The following FAM13A variants were observed in gnomAD, a reference collection of about 807,000 sequenced individuals.
FAM13A encodes family with sequence similarity 13 member A, also known as protein FAM13A.
A neutral mutation model predicts 129.6 loss-of-function variants in FAM13A; 76 were observed. The ratio of observed to expected loss-of-function variants is 0.59; its 90% CI spans 0.49 to 0.71. FAM13A has a LOEUF of 0.71. FAM13A is among the 30% of genes least tolerant of loss of function. The pLI, the probability that FAM13A is intolerant of heterozygous loss-of-function variation, is 0.00. For synonymous variants in FAM13A, 443 were observed against 449.9 expected, an observed-to-expected ratio of 0.98 and a Z score of 0.20; for missense variants, 1,108 against 1,249.3, an observed-to-expected ratio of 0.89 and a Z score of 1.70.
At chr4:88,746,091 A>G (rs1198212332) in intron 19 of FAM13A, among the ~76,000 whole-genome samples, 1 of 152,200 alleles carries the variant, frequency 6.6e-6, no homozygotes, top group Non-Finnish European at 1.5e-5. Context: ...TGAAAAGACT[A>G]TCATATAGTC....
chr4:88,921,226 A>G (rs1751027359), intron 5 of FAM13A, among the ~76,000 whole-genome samples: 2 of 151,874 alleles, frequency 1.3e-5, no homozygotes, highest in African/African-American at 4.8e-5. Flanking sequence ...CCTCGAGAAG[A>G]GCAACTCCAA....
intron 6 of FAM13A, among the ~76,000 whole-genome samples, chr4:88,852,803 AT>A (rs1737830018): frequency 6.6e-6 from 1 of 152,228 alleles, no homozygotes; most frequent in African/African-American, 2.4e-5. Context: ...AATAAAACAG[AT>A]AATTTTTAAA....
chr4:88,769,332 T>C (rs973298953), intron 11 of FAM13A, among the ~76,000 whole-genome samples: 5 of 152,166 alleles, frequency 3.3e-5, no homozygotes, highest in Non-Finnish European at 5.9e-5. Flanking sequence ...CTGGGCTCCA[T>C]TAAAGAATAG....
At chr4:88,964,222 A>G (rs1759033362) in intron 4 of FAM13A, among the ~76,000 whole-genome samples, 2 of 152,224 alleles carry the variant, frequency 1.3e-5, no homozygotes, top group South Asian at 4.1e-4. Context: ...TCCAAGAAAT[A>G]TTTACCAAAC....
At chr4:89,005,044 T>C (rs1257457235) in intron 3 of FAM13A, among the ~76,000 whole-genome samples, 1 of 152,150 alleles carries the variant, frequency 6.6e-6, no homozygotes, top group Non-Finnish European at 1.5e-5. Flanking sequence ...AGCTGTTACC[T>C]TTACTGTTCC....
chr4:88,876,891 C>A (rs186031825), intron 6 of FAM13A, among the ~76,000 whole-genome samples: 1 of 152,042 alleles, frequency 6.6e-6, no homozygotes, highest in Non-Finnish European at 1.5e-5. Flanking sequence ...GCGCCCAGAC[C>A]GCGTCACTTC....
At chr4:88,747,048 G>C in intron 18 of FAM13A, 33 bp from the exon 19 acceptor site, 1 of 1,428,610 alleles carries the variant, frequency 7.0e-7, no homozygotes, top group Non-Finnish European at 9.9e-7. Context: ...AATTGAAAGA[G>C]AGGAAAATGT....
chr4:88,991,644 C>G (rs1375314482), intron 3 of FAM13A, among the ~76,000 whole-genome samples: 2 of 152,154 alleles, frequency 1.3e-5, no homozygotes, highest in Non-Finnish European at 2.9e-5. Context: ...AATCAGGATT[C>G]TTTTGAATAA....
intron 8 of FAM13A, among the ~76,000 whole-genome samples, chr4:88,797,106 G>C (rs980669427): frequency 2.0e-5 from 3 of 151,976 alleles, no homozygotes; most frequent in Non-Finnish European, 2.9e-5. Flanking sequence ...CTTATAATCA[G>C]ATCTCTAGGT....
intron 4 of FAM13A, among the ~76,000 whole-genome samples, chr4:88,966,157 AT>A (rs1759322304): frequency 6.6e-6 from 1 of 152,210 alleles, no homozygotes; most frequent in Non-Finnish European, 1.5e-5. Context: ...CACTAATGTG[AT>A]TTTTGAAACT....
chr4:88,843,920 A>G (rs909792234), intron 7 of FAM13A, among the ~76,000 whole-genome samples: 1 of 152,196 alleles, frequency 6.6e-6, no homozygotes, highest in Non-Finnish European at 1.5e-5. Context: ...AAGGGTGGGC[A>G]GTACAGGGTT....
At chr4:88,999,449 A>G (rs1401781729) in intron 3 of FAM13A, among the ~76,000 whole-genome samples, 1 of 152,228 alleles carries the variant, frequency 6.6e-6, no homozygotes, top group East Asian at 1.9e-4. Flanking sequence ...AGAGCCTCAC[A>G]CAATGTAAAA....
At chr4:89,003,370 G>A (rs1764545151) in intron 3 of FAM13A, among the ~76,000 whole-genome samples, 1 of 152,026 alleles carries the variant, frequency 6.6e-6, no homozygotes, top group Admixed American at 6.6e-5. Context: ...CAGCACTTTG[G>A]GAGGCTGAGG....
chr4:88,844,131 G>C (rs563995631), intron 7 of FAM13A, among the ~76,000 whole-genome samples: 1 of 152,192 alleles, frequency 6.6e-6, no homozygotes, highest in Non-Finnish European at 1.5e-5. Flanking sequence ...TACGGCAGCA[G>C]CAACTGAGTA....
At chr4:88,909,096 T>C (rs1188424072) in intron 5 of FAM13A, among the ~76,000 whole-genome samples, 3 of 152,240 alleles carry the variant, frequency 2.0e-5, no homozygotes, top group Non-Finnish European at 1.5e-5. Context: ...TGTACATATG[T>C]ATCTGAGAAA....
chr4:88,801,115 C>T (rs1578721419), intron 8 of FAM13A, among the ~76,000 whole-genome samples: 1 of 152,060 alleles, frequency 6.6e-6, no homozygotes, highest in Middle Eastern at 3.4e-3. Context: ...AGAAAAATTA[C>T]CTAAAAATGC....
At chr4:89,011,739 C>T (rs1765763810) in intron 3 of FAM13A, among the ~76,000 whole-genome samples, 1 of 152,168 alleles carries the variant, frequency 6.6e-6, no homozygotes, top group Non-Finnish European at 1.5e-5. Context: ...AAAAGATTTT[C>T]CTCTCCATAC....
intron 3 of FAM13A, among the ~76,000 whole-genome samples, chr4:88,998,580 T>C (rs1763856152): frequency 6.6e-6 from 1 of 152,216 alleles, no homozygotes; most frequent in Non-Finnish European, 1.5e-5. Context: ...TGAGAAACTA[T>C]AGCTTCGTAA....
At chr4:88,980,662 T>C (rs898441989) in intron 4 of FAM13A, among the ~76,000 whole-genome samples, 3 of 152,220 alleles carry the variant, frequency 2.0e-5, no homozygotes, top group African/African-American at 4.8e-5. Flanking sequence ...TATATAAATA[T>C]GTGATCCTAC....
Sources: gnomAD v4.1 joint callset for allele counts (sites outside exome capture counted in the v4.1 genomes callset) on GRCh38, gnomAD v4.1.1 for gene constraint, MANE v1.5 for transcripts, NCBI Gene and HGNC (gene_info 2026-07-23, HGNC 2026-07-21) for gene names.